The following CBR4 variants were observed in gnomAD, a reference collection of about 807,000 sequenced individuals.
CBR4 encodes carbonyl reductase 4, also known as 3-oxoacyl-[acyl-carrier-protein] reductase.
A neutral mutation model predicts 21.0 loss-of-function variants in CBR4; 22 were observed. That is an observed-to-expected ratio of 1.05 (90% CI 0.75 to 1.50). The LOEUF (loss-of-function observed/expected upper bound fraction) is 1.50, where lower values mean the gene tolerates loss of function less well. Among genes scored for constraint, CBR4 ranks in the 40% most tolerant of loss-of-function variants. CBR4 has a pLI of 0.00. For missense variants in CBR4, 302 were observed against 286.3 expected (o/e 1.05, Z -0.40); for synonymous variants, 100 against 104.4 (o/e 0.96, Z 0.26).
At chr4:168,934,716 G>A (rs1219097566) in intron 2 of CBR4, among the ~76,000 whole-genome samples, 1 of 152,000 alleles carries the variant, frequency 6.6e-6, no homozygotes, top group African/African-American at 2.4e-5. Flanking sequence ...AACCAGGACT[G>A]GATGGCTTCT....
At chr4:168,928,711 C>T (rs1217362107) in intron 2 of CBR4, among the ~76,000 whole-genome samples, 1 of 152,118 alleles carries the variant, frequency 6.6e-6, no homozygotes, top group Non-Finnish European at 1.5e-5. Flanking sequence ...CTCCTTTAGT[C>T]CCTCAGCCAG....
At chr4:168,927,853 T>TTA (rs1409765736) in intron 2 of CBR4, 9 of 212,126 alleles carry the variant, frequency 4.2e-5, no homozygotes, top group African/African-American at 2.0e-4. Context: ...ACATGAGGCT[T>TTA]TAATGGTACT....
chr4:168,935,376 C>T (rs547042011), intron 2 of CBR4, among the ~76,000 whole-genome samples: 51 of 152,278 alleles, frequency 3.3e-4, no homozygotes, highest in Admixed American at 1.0e-3. Flanking sequence ...AGTTTCTTTT[C>T]GTACCCCAGT....
At chr4:168,942,831 AAAG>A (rs1763299866) in intron 2 of CBR4, among the ~76,000 whole-genome samples, 1 of 152,304 alleles carries the variant, frequency 6.6e-6, no homozygotes, top group Admixed American at 6.5e-5. Flanking sequence ...ATATTTCACA[AAAG>A]AAGACATAGA....
At chr4:168,905,586 G>C (rs1024955286) in intron 2 of CBR4, among the ~76,000 whole-genome samples, 2 of 151,952 alleles carry the variant, frequency 1.3e-5, no homozygotes, top group Non-Finnish European at 2.9e-5. Context: ...AGCTAATCAG[G>C]TTGTGATAGA....
At chr4:168,923,286 T>A (rs979618009) in intron 2 of CBR4, among the ~76,000 whole-genome samples, 1 of 152,228 alleles carries the variant, frequency 6.6e-6, no homozygotes, top group African/African-American at 2.4e-5. Flanking sequence ...ACTCGTGGTG[T>A]TGGAGAGTAT....
downstream of CBR4, among the ~76,000 whole-genome samples, chr4:168,985,837 A>G (rs967123283): frequency 2.6e-5 from 4 of 152,320 alleles, no homozygotes; most frequent in Non-Finnish European, 2.9e-5. Flanking sequence ...TTCATTTAGA[A>G]TAAGTGGGAG....
chr4:168,954,433 G>A (rs1457832014), intron 2 of CBR4, among the ~76,000 whole-genome samples: 1 of 152,090 alleles, frequency 6.6e-6, no homozygotes, highest in Non-Finnish European at 1.5e-5. Flanking sequence ...TTTGGTGAGG[G>A]CCTTCTTTTT....
intron 2 of CBR4, among the ~76,000 whole-genome samples, chr4:168,948,712 C>T (rs1428625412): frequency 6.6e-6 from 1 of 152,094 alleles, no homozygotes; most frequent in Non-Finnish European, 1.5e-5. Flanking sequence ...CTATTCTGTT[C>T]CATTGGTCTA....
chr4:168,978,225 T>C, intron 2 of CBR4, among the ~76,000 whole-genome samples: 1 of 152,204 alleles, frequency 6.6e-6, no homozygotes, highest in East Asian at 1.9e-4. Flanking sequence ...ATGCTGTTCC[T>C]TCTGAATGAA....
At chr4:168,986,269 C>T (rs931157080), downstream of CBR4, among the ~76,000 whole-genome samples, 17 of 152,116 alleles carry the variant, frequency 1.1e-4, no homozygotes, top group Non-Finnish European at 2.5e-4. Flanking sequence ...ACTTGAGCAT[C>T]CACAGATTTT....
At chr4:168,923,826 G>A (rs1023928271) in intron 2 of CBR4, among the ~76,000 whole-genome samples, 8 of 152,230 alleles carry the variant, frequency 5.3e-5, no homozygotes, top group South Asian at 2.1e-4. Context: ...CATGGCAAAC[G>A]GCAGTGAGGG....
At position 168,989,616 on chromosome 4, in the gene CBR4, C is replaced by G; in HGVS notation, c.*534G>C. 3.0e-6 allele frequency: 3 copies of G among 985,152 alleles called. No individual in the cohort carries two copies. Among genetic ancestry groups the G allele is most frequent in the Non-Finnish European group, 3.6e-6 (3 of 829,698 alleles). 61.0% of individuals were successfully genotyped at this position (985,152 alleles called of 1,614,324 possible). Reference sequence around the variant, plus strand: ...CCTCTAAATACTCTTATTTTGGCAACAGCCCACAAGGTTAACTTTTAGAAA... The same window carrying G: ...CCTCTAAATACTCTTATTTTGGCAAGAGCCCACAAGGTTAACTTTTAGAAA... On this transcript the variant is annotated 3_prime_UTR_variant, in exon 5 of 5. Coordinates refer to ENST00000306193, the MANE Select transcript of CBR4 (RefSeq NM_032783.5).
chr4:168,984,900 CA>C (rs1360812745), downstream of CBR4, among the ~76,000 whole-genome samples: 5 of 152,078 alleles, frequency 3.3e-5, no homozygotes, highest in Non-Finnish European at 5.9e-5. Flanking sequence ...TCACCATACA[CA>C]AAAATCAACT....
At chr4:168,919,804 G>C (rs1334874032) in intron 2 of CBR4, among the ~76,000 whole-genome samples, 1 of 152,128 alleles carries the variant, frequency 6.6e-6, no homozygotes, top group African/African-American at 2.4e-5. Context: ...TGAGAGTACA[G>C]ATCTAGTTAC....
At chr4:168,936,147 G>A (rs1006868386) in intron 2 of CBR4, among the ~76,000 whole-genome samples, 1 of 152,188 alleles carries the variant, frequency 6.6e-6, no homozygotes, top group Non-Finnish European at 1.5e-5. Context: ...ACAGGGTCTG[G>A]AGTGGACCTC....
intron 2 of CBR4, chr4:168,921,511 C>G (rs1385772068): frequency 6.8e-7 from 1 of 1,466,458 alleles, no homozygotes; most frequent in South Asian, 1.2e-5. Flanking sequence ...CAAAAATTTA[C>G]ATGTATTTCT....
rs141144130 is a variant in CBR4 at position 168,978,580 on chromosome 4, C to T, written n.169+23491G>A. On this transcript the variant is annotated intron_variant and non_coding_transcript_variant, in intron 2 of 3. Coordinates refer to the CBR4 transcript ENST00000509108. ...CAGGAAACCATGTTTCTGCCATGAA[C>T]CTTTGCAATTTCAGGCTCTGGAGAC... Among the ~76,000 whole-genome samples, 39 of 152,306 alleles carry T rather than the reference C, an allele frequency of 2.6e-4. 1 individual carries two copies. Among genetic ancestry groups the T allele is most frequent in the African/African-American group, 8.7e-4 (36 of 41,550 alleles).
At chr4:169,003,184 C>G (rs947342419) in intron 3 of CBR4, among the ~76,000 whole-genome samples, 8 of 152,128 alleles carry the variant, frequency 5.3e-5, no homozygotes, top group Admixed American at 2.0e-4. Context: ...GGAATCTGGG[C>G]AAAGTAAATT....
Sources: allele counts gnomAD v4.1 joint callset (sites outside exome capture counted in the v4.1 genomes callset), GRCh38; gene constraint gnomAD v4.1.1; transcripts MANE v1.5; gene names NCBI Gene and HGNC (gene_info 2026-07-23, HGNC 2026-07-21).